Variants in TXNDC5 observed in about 807,000 individuals in gnomAD.
The protein encoded by TXNDC5 is thioredoxin domain containing 5.
Under a neutral mutation model 52.6 loss-of-function variants are expected in TXNDC5, and 44 were observed. The observed-to-expected ratio is 0.84, with a 90% CI of 0.66 to 1.08. TXNDC5 has a LOEUF of 1.08. TXNDC5 is among the 50% of genes least tolerant of loss of function. The probability of loss-of-function intolerance (pLI) is 0.00; values close to 1 mark genes in which losing one functional copy is unlikely to be tolerated. For synonymous variants in TXNDC5, 241 were observed against 234.4 expected (o/e 1.03, Z -0.26); for missense variants, 600 against 565.5 (o/e 1.06, Z -0.62).
At chr6:7,903,540 GGTAA>G (rs1298456191) in intron 2 of TXNDC5, among the ~76,000 whole-genome samples, 1 of 152,160 alleles carries the variant, frequency 6.6e-6, no homozygotes, top group Non-Finnish European at 1.5e-5. Context: ...AGAGCTGGGT[GGTAA>G]GTAAATGGTA....
rs771843547 is a variant in TXNDC5, at chr6:7,899,555, GGGAA to G, written c.519+17_519+20del. On this transcript the variant is annotated intron_variant, in intron 3 of 9. Coordinates refer to ENST00000379757, the MANE Select transcript of TXNDC5 (RefSeq NM_030810.5). ...AGAGAGGGAGGGAGGGAGGGAGGGA[GGGAA>G]GGAGGTAGACACTCACCACTGGCTC... The G allele has an allele frequency of 1.8e-5, 29 of 1,583,554 alleles. No homozygotes were observed. Among genetic ancestry groups the G allele is most frequent in the Non-Finnish European group, 2.5e-5 (29 of 1,157,094 alleles).
chr6:7,883,735 G>C (rs750211403), intron 9 of TXNDC5, among the ~76,000 whole-genome samples: 1 of 152,088 alleles, frequency 6.6e-6, no homozygotes, highest in Admixed American at 6.6e-5. Context: ...AAAACAACTG[G>C]TATCTTTTAA....
chr6:7,899,792 G>C, intron 2 of TXNDC5, 111 bp from the exon 3 acceptor site: 1 of 660,602 alleles, frequency 1.5e-6, no homozygotes, highest in South Asian at 2.1e-5. Flanking sequence ...CTGCAGCCAG[G>C]CATGTATCTG....
At chr6:7,888,196 C>T (rs568931016) in intron 7 of TXNDC5, among the ~76,000 whole-genome samples, 47 of 152,328 alleles carry the variant, frequency 3.1e-4, no homozygotes, top group Non-Finnish European at 5.7e-4. Flanking sequence ...AAGGAAGCCC[C>T]TCAGTGCATC....
chr6:7,903,147 C>T (rs1206703154), intron 2 of TXNDC5, among the ~76,000 whole-genome samples: 1 of 152,242 alleles, frequency 6.6e-6, no homozygotes, highest in Non-Finnish European at 1.5e-5. Flanking sequence ...TTGAAAGCAA[C>T]AGTTTCTCAA....
At chr6:7,899,437 A>G in intron 3 of TXNDC5, 139 bp downstream of exon 3, 1 of 544,810 alleles carries the variant, frequency 1.8e-6, no homozygotes, top group South Asian at 3.1e-5. Context: ...ATAAGCTCCA[A>G]AAAAAGTAGA....
chr6:7,895,020 A>T, intron 4 of TXNDC5, 86 bp downstream of exon 4: 3 of 1,500,506 alleles, frequency 2.0e-6, no homozygotes, highest in South Asian at 1.3e-5. Flanking sequence ...GCTATCTAAG[A>T]GCCCTTGAGT....
intron 6 of TXNDC5, 139 bp from the exon 7 acceptor site, chr6:7,888,987 T>C (rs1273271318): frequency 4.5e-6 from 5 of 1,114,556 alleles, no homozygotes; most frequent in Admixed American, 2.8e-5. Flanking sequence ...TGTTCATATT[T>C]AGACGGGAAT....
chr6:7,904,520 T>C, intron 2 of TXNDC5, 54 bp downstream of exon 2: 1 of 1,597,868 alleles, frequency 6.3e-7, no homozygotes, highest in South Asian at 1.1e-5. Context: ...TAACTAGGAC[T>C]TTCTTTGTAG....
At chr6:7,898,460 G>A (rs1760449423) in intron 3 of TXNDC5, among the ~76,000 whole-genome samples, 1 of 152,166 alleles carries the variant, frequency 6.6e-6, no homozygotes, top group Admixed American at 6.5e-5. Flanking sequence ...GAGCCGCACA[G>A]ACACACTGGA....
Position 7,910,766 on chromosome 6 carries a change from C to T in TXNDC5, c.11G>A (p.Arg4His). Residue 4 changes from arginine to histidine, a missense_variant, in exon 1 of 10, where the codon CGC becomes CAC. Coordinates refer to ENST00000379757, the MANE Select transcript of TXNDC5 (RefSeq NM_030810.5). MPA[R>H]PGRLLPLLAR... is the part of the protein sequence containing the mutation. The stretch of plus-strand genomic sequence containing the variant: ...CAGCAGCGGGAGGAGGCGTCCTGGG[C>T]GCGCGGGCATCGCGGCGGGGCTGGG... The T allele has an allele frequency of 1.0e-6, 1 of 995,470 alleles. No individual in the cohort carries two copies. Among genetic ancestry groups the T allele is most frequent in the Non-Finnish European group, 1.2e-6 (1 of 838,834 alleles). The allele number at this position is 995,470 out of a possible 1,614,324, so 61.7% of individuals were successfully genotyped here. A position where few individuals can be genotyped will look rare whatever the true frequency, so the allele number is the denominator to read the frequency against.
intron 1 of TXNDC5, among the ~76,000 whole-genome samples, chr6:7,910,273 GC>G (rs548454683): frequency 0.015 from 2,275 of 149,230 alleles, 49 homozygotes; most frequent in African/African-American, 0.053. Context: ...CGGCGCCCGC[GC>G]CCCCCGCTCC....
chr6:7,888,503 T>G (rs1760077133), intron 7 of TXNDC5, among the ~76,000 whole-genome samples: 1 of 152,212 alleles, frequency 6.6e-6, no homozygotes. Flanking sequence ...AAGGAAAGCT[T>G]TTGTTTGCAT....
Position 7,899,658 on chromosome 6 carries a change from T to G in TXNDC5, c.437A>C (p.Gln146Pro). ...AGGACCCTGGTACTTCACAGCTTCT[T>G]GGCCTGGCTTGAAAAGCTTTAAGCT... ...YPTLKLFKPG[Q>P]EAVKYQGPRD... The change falls in exon 3 of 10, where the codon CAA (glutamine) becomes CCA (proline). Residue 146 changes from glutamine (Q) to proline (P), a missense_variant. Physicochemically the swap from Gln to Pro is moderately conservative, Grantham distance 76. Coordinates refer to ENST00000379757, the MANE Select transcript of TXNDC5 (RefSeq NM_030810.5). 1 of 1,614,102 alleles carries G rather than the reference T, an allele frequency of 6.2e-7. No homozygotes were observed. Among genetic ancestry groups the G allele is most frequent in the Non-Finnish European group, 8.5e-7 (1 of 1,180,004 alleles).
chr6:7,888,079 C>T (rs116262647), intron 7 of TXNDC5, among the ~76,000 whole-genome samples: 77 of 152,326 alleles, frequency 5.1e-4, no homozygotes, highest in African/African-American at 1.7e-3. Context: ...GGCAGGAAAC[C>T]GGTCTTATTT....
intron 7 of TXNDC5, among the ~76,000 whole-genome samples, chr6:7,886,408 A>G (rs1759985116): frequency 6.6e-6 from 1 of 152,068 alleles, no homozygotes; most frequent in Non-Finnish European, 1.5e-5. Context: ...TGGGTGTCTG[A>G]CACTTGAGTC....
At chr6:7,884,564 G>C in intron 8 of TXNDC5, 76 bp from the exon 9 acceptor site, 1 of 1,598,606 alleles carries the variant, frequency 6.3e-7, no homozygotes, top group Non-Finnish European at 8.5e-7. Context: ...GCCAAGACAA[G>C]CTCTGTTTCT....
chr6:7,890,980 G>T (rs551588015), intron 5 of TXNDC5, among the ~76,000 whole-genome samples: 1 of 152,246 alleles, frequency 6.6e-6, no homozygotes, highest in African/African-American at 2.4e-5. Context: ...ATTACTTTTG[G>T]ATACAAATCA....
intron 5 of TXNDC5, 32 bp from the exon 6 acceptor site, chr6:7,889,613 A>G (rs1561807910): frequency 6.4e-7 from 1 of 1,565,964 alleles, no homozygotes; most frequent in Admixed American, 1.7e-5. Flanking sequence ...CTTCCCAGTC[A>G]GTTTCTTCAT....
Sources: gnomAD v4.1 joint callset for allele counts (sites outside exome capture counted in the v4.1 genomes callset) on GRCh38, gnomAD v4.1.1 for gene constraint, MANE v1.5 for transcripts, NCBI Gene and HGNC (gene_info 2026-07-23, HGNC 2026-07-21) for gene names.